The following AFAP1 variants were observed in gnomAD, a reference collection of about 807,000 sequenced individuals.
AFAP1 encodes actin filament associated protein 1.
In AFAP1, 75 loss-of-function variants were observed where a neutral mutation model predicts 93.9. That is an observed-to-expected ratio of 0.80 (90% CI 0.66 to 0.97). The LOEUF is 0.97. Among genes scored for constraint, AFAP1 ranks in the 50% least tolerant of loss-of-function variants. AFAP1 has a pLI of 0.00. For missense variants in AFAP1, 1,201 were observed against 1,050.8 expected (o/e 1.14, Z -1.98); for synonymous variants, 517 against 430.7 (o/e 1.20, Z -2.48).
intron 6 of AFAP1, among the ~76,000 whole-genome samples, chr4:7,823,360 AAAAT>A (rs1325798890): frequency 1.3e-5 from 2 of 152,224 alleles, no homozygotes; most frequent in East Asian, 3.9e-4. Context: ...GGCCATCACT[AAAAT>A]AAGAAGAGCC....
At chr4:7,809,014 C>T (rs1361799940) in intron 9 of AFAP1, among the ~76,000 whole-genome samples, 1 of 151,990 alleles carries the variant, frequency 6.6e-6, no homozygotes, top group Non-Finnish European at 1.5e-5. Context: ...TTGGCAGCAA[C>T]AGGAAAGTGA....
chr4:7,895,087 C>A (rs1193079561), intron 1 of AFAP1, among the ~76,000 whole-genome samples: 2 of 152,232 alleles, frequency 1.3e-5, no homozygotes, highest in African/African-American at 4.8e-5. Flanking sequence ...GCTGGGGCTG[C>A]CACAGGGAAT....
rs138968013 is a variant in AFAP1, at chr4:7,934,815, G to C, written c.-3+4841C>G. Among the ~76,000 whole-genome samples, 75 of 152,296 alleles carry C rather than the reference G, an allele frequency of 4.9e-4. No individual in the cohort carries two copies. In the East Asian group the frequency reaches 0.014, roughly 27 times the overall value. On this transcript the variant is annotated intron_variant, in intron 1 of 17. Transcript: ENST00000420658. Reference sequence around the variant, plus strand: ...TCCCAGCCTCAAGACAGGGCACTTAGAAACTGCAATGTCAAGAAATTACGC... The same window carrying C: ...TCCCAGCCTCAAGACAGGGCACTTACAAACTGCAATGTCAAGAAATTACGC...
At chr4:7,854,675 G>A (rs1326756757) in intron 4 of AFAP1, among the ~76,000 whole-genome samples, 1 of 152,154 alleles carries the variant, frequency 6.6e-6, no homozygotes, top group African/African-American at 2.4e-5. Flanking sequence ...GGAGCCTCCT[G>A]AGTACAGTCA....
At position 7,793,669 on chromosome 4, in the gene AFAP1, A is replaced by T; in HGVS notation, c.1412+12T>A. The T allele has an allele frequency of 6.6e-7, 1 of 1,519,688 alleles. No individual in the cohort carries two copies. Among genetic ancestry groups the T allele is most frequent in the Non-Finnish European group, 9.0e-7 (1 of 1,116,410 alleles). The allele number at this position is 1,519,688 out of a possible 1,614,324, so 94.1% of individuals were successfully genotyped here. A position where few individuals can be genotyped will look rare whatever the true frequency, so the allele number is the denominator to read the frequency against. ...GAACTGTGGTGCCATTTCACATGGCAGTGGGTCTTACCAGAAGGTCTGTTT... is the reference window on the plus strand; with the variant it reads ...GAACTGTGGTGCCATTTCACATGGCTGTGGGTCTTACCAGAAGGTCTGTTT... On this transcript the variant is annotated intron_variant, in intron 11 of 17. Coordinates refer to ENST00000420658, the MANE Select transcript of AFAP1 (RefSeq NM_001134647.2).
Position 7,908,029 on chromosome 4 carries a change from C to A in AFAP1, c.-3+31627G>T, listed in dbSNP as rs141591436. Among the ~76,000 whole-genome samples the A allele has an allele frequency of 2.0e-5, 3 of 152,070 alleles. No individual in the cohort carries two copies. In the East Asian group the frequency reaches 5.8e-4, roughly 29 times the overall value. ...ACGTTCAAGACCAGCCCGGCCAATG[C>A]GGTGAAACCCCGTCTTTACTAAAAA... On this transcript the variant is annotated intron_variant, in intron 1 of 17. Coordinates refer to ENST00000420658, the MANE Select transcript of AFAP1 (RefSeq NM_001134647.2).
intron 1 of AFAP1, 42 bp from the exon 2 acceptor site, chr4:7,872,122 T>C (rs1055203874): frequency 3.7e-6 from 6 of 1,609,622 alleles, no homozygotes; most frequent in Non-Finnish European, 4.2e-6. Context: ...CCCAGTGATT[T>C]GCAAATGTCA....
At chr4:7,821,732 G>A (rs1025136670) in intron 6 of AFAP1, among the ~76,000 whole-genome samples, 3 of 152,198 alleles carry the variant, frequency 2.0e-5, no homozygotes, top group Non-Finnish European at 4.4e-5. Flanking sequence ...TAGTAATTTT[G>A]CAATTGGGCC....
At chr4:7,870,260 T>C (rs1716904411) in intron 2 of AFAP1, among the ~76,000 whole-genome samples, 1 of 152,142 alleles carries the variant, frequency 6.6e-6, no homozygotes, top group Non-Finnish European at 1.5e-5. Context: ...TAACCACCTA[T>C]GATAAAGGGC....
chr4:7,765,957 A>C (rs1444719431), intron 17 of AFAP1, among the ~76,000 whole-genome samples: 2 of 152,220 alleles, frequency 1.3e-5, no homozygotes, highest in Non-Finnish European at 2.9e-5. Flanking sequence ...ACCCTGCGCC[A>C]GGATGCAGAC....
intron 6 of AFAP1, among the ~76,000 whole-genome samples, chr4:7,825,111 C>T (rs977383864): frequency 1.3e-5 from 2 of 152,132 alleles, no homozygotes; most frequent in African/African-American, 4.8e-5. Context: ...TATTATAGTT[C>T]TAAGAATGCA....
intron 7 of AFAP1, among the ~76,000 whole-genome samples, chr4:7,817,552 T>C (rs926607707): frequency 6.6e-6 from 1 of 151,874 alleles, no homozygotes; most frequent in Admixed American, 6.6e-5. Flanking sequence ...GATGGTGCCA[T>C]TGCACTCCAG....
rs1721576577 is a variant in AFAP1, at chr4:7,827,946, G to C, written c.727-8775C>G. On this transcript the variant is annotated intron_variant, in intron 6 of 17. Transcript: ENST00000420658. ...ATAAAAAAAGGTTTCTTAAAATTTT[G>C]TTTTAATAACTTCTTTGGGGTAAAA... is the stretch of plus-strand genomic sequence containing the variant. Among the ~76,000 whole-genome samples, 3 of 152,256 alleles carry C rather than the reference G, an allele frequency of 2.0e-5. 1 individual carries two copies. The South Asian group carries it at 6.2e-4, about 32-fold the overall frequency.
chr4:7,926,810 C>CA, intron 1 of AFAP1, among the ~76,000 whole-genome samples: 1 of 152,292 alleles, frequency 6.6e-6, no homozygotes, highest in East Asian at 1.9e-4. Flanking sequence ...ACTATTAGCT[C>CA]ACTGCAACCT....
chr4:7,902,071 G>A (rs1719144558), intron 1 of AFAP1, among the ~76,000 whole-genome samples: 1 of 152,200 alleles, frequency 6.6e-6, no homozygotes, highest in African/African-American at 2.4e-5. Flanking sequence ...CTTTCGAACT[G>A]CGGGTGGAGC....
intron 1 of AFAP1, among the ~76,000 whole-genome samples, chr4:7,933,586 A>T (rs945385849): frequency 1.3e-5 from 2 of 152,130 alleles, no homozygotes; most frequent in African/African-American, 4.8e-5. Flanking sequence ...AAAAATATTT[A>T]AAAAAAGGGT....
chr4:7,864,298 T>G (rs6605360), intron 3 of AFAP1, among the ~76,000 whole-genome samples: 138,253 of 152,254 alleles, frequency 0.91, 63,346 homozygotes, highest in Non-Finnish European at 0.95. Flanking sequence ...TTTCTGGCTT[T>G]TGCTTTAATT....
In AFAP1 at chr4:7,836,694, C is replaced by A. The variant is rs994558555; in HGVS notation, c.726+1830G>T. On this transcript the variant is annotated intron_variant, in intron 6 of 17. Transcript: ENST00000420658. ...AATCTCCCAGGCTCAAGCTATCGGC[C>A]CACCTTGGCTCCCAAAGTGCTGGGA... Among the ~76,000 whole-genome samples the A allele has an allele frequency of 7.2e-5, 11 of 152,132 alleles. 1 individual carries two copies. Among genetic ancestry groups the A allele is most frequent in the Non-Finnish European group, 1.3e-4 (9 of 68,038 alleles).
At chr4:7,874,291 T>C (rs761276882) in intron 1 of AFAP1, among the ~76,000 whole-genome samples, 3 of 151,944 alleles carry the variant, frequency 2.0e-5, no homozygotes, top group Non-Finnish European at 2.9e-5. Context: ...ATGTCTACAA[T>C]TTTCTGAAAA....
Sources: allele counts gnomAD v4.1 joint callset (sites outside exome capture counted in the v4.1 genomes callset), GRCh38; gene constraint gnomAD v4.1.1; transcripts MANE v1.5; gene names NCBI Gene and HGNC (gene_info 2026-07-23, HGNC 2026-07-21).